Variants in USP46 observed in about 807,000 individuals in gnomAD.
USP46 encodes the protein ubiquitin carboxyl-terminal hydrolase 46.
A neutral mutation model predicts 44.4 loss-of-function variants in USP46; 12 were observed. The ratio of observed to expected loss-of-function variants is 0.27; its 90% confidence interval spans 0.17 to 0.44. USP46 has a LOEUF of 0.44. USP46 is among the 20% of genes least tolerant of loss of function. The pLI is 1.00. For missense variants in USP46, 248 were observed against 444.8 expected, an observed-to-expected ratio of 0.56 and a Z score of 3.98; for synonymous variants, 155 against 161.5, an observed-to-expected ratio of 0.96 and a Z score of 0.31.
Position 52,593,796 on chromosome 4 carries a change from A to G in USP46, c.*3844T>C, listed in dbSNP as rs976878550. ...TTGGGGAATGGATCTTTCATTTCAT[A>G]ACTGGTTAAAAGGATTTTATATGCA... On this transcript the variant is annotated 3_prime_UTR_variant, in exon 9 of 9. Transcript: ENST00000441222. 1 of 152,256 alleles carries G rather than the reference A, an allele frequency of 6.6e-6. No homozygotes were observed. Among genetic ancestry groups the G allele is most frequent in the Non-Finnish European group, 1.5e-5 (1 of 68,042 alleles). The allele number at this position is 152,256 out of a possible 1,614,324, so 9.4% of individuals were successfully genotyped here. A position where few individuals can be genotyped will look rare whatever the true frequency, so the allele number is the denominator to read the frequency against.
intron 1 of USP46, among the ~76,000 whole-genome samples, chr4:52,634,005 C>A (rs1718010493): frequency 6.6e-6 from 1 of 152,222 alleles, no homozygotes; most frequent in Admixed American, 6.5e-5. Flanking sequence ...TCAGGTTAAG[C>A]TTGCTTGGAT....
Position 52,613,627 on chromosome 4 carries a change from C to T in USP46, c.562-3010G>A, listed in dbSNP as rs2109611818. Among the ~76,000 whole-genome samples, 5 of 150,868 alleles carry T rather than the reference C, an allele frequency of 3.3e-5. No individual in the cohort carries two copies. In the Admixed American group the frequency reaches 3.3e-4, roughly 10 times the overall value. On this transcript the variant is annotated intron_variant, in intron 4 of 8. Transcript: ENST00000441222. ...ATCCCAGCTACTTGGGAGGCTGAGG[C>T]AGGGGAATCACTTGAACCCAGGAGG... is the stretch of plus-strand genomic sequence containing the variant.
intron 4 of USP46, among the ~76,000 whole-genome samples, chr4:52,613,357 T>C (rs1182916564): frequency 1.3e-5 from 2 of 151,962 alleles, no homozygotes; most frequent in Non-Finnish European, 2.9e-5. Flanking sequence ...CCAAGAAACA[T>C]AGTGAATAGT....
At chr4:52,605,534 A>G (rs1397153234) in intron 5 of USP46, among the ~76,000 whole-genome samples, 2 of 152,248 alleles carry the variant, frequency 1.3e-5, no homozygotes, top group East Asian at 3.8e-4. Flanking sequence ...AATGTGTTAA[A>G]TGATTCTACC....
In USP46 at chr4:52,592,522, A is replaced by C. The variant is rs1037539021; in HGVS notation, c.*5118T>G. ...ACCATCCCCCTAGTACTGCCTCATG[A>C]CTGAGTTCTCACGAGATCTGGTTGT... On this transcript the variant is annotated 3_prime_UTR_variant, in exon 9 of 9. Transcript: ENST00000441222. 6 of 185,628 alleles carry C rather than the reference A, an allele frequency of 3.2e-5. No individual in the cohort carries two copies. Among genetic ancestry groups the C allele is most frequent in the Admixed American group, 6.2e-5 (1 of 16,164 alleles). The allele number at this position is 185,628 out of a possible 1,614,324, so 11.5% of individuals were successfully genotyped here. A position where few individuals can be genotyped will look rare whatever the true frequency, so the allele number is the denominator to read the frequency against.
Position 52,592,965 on chromosome 4 carries a change from C to A in USP46, c.*4675G>T, listed in dbSNP as rs1421354964. 5.0e-6 allele frequency: 2 copies of A among 398,552 alleles called. No individual in the cohort carries two copies. Among genetic ancestry groups the A allele is most frequent in the Non-Finnish European group, 8.8e-6 (2 of 226,210 alleles). 24.7% of individuals were successfully genotyped at this position (398,552 alleles called of 1,614,324 possible). A position where few individuals can be genotyped will look rare whatever the true frequency, so the allele number is the denominator to read the frequency against. On this transcript the variant is annotated 3_prime_UTR_variant, in exon 9 of 9. Coordinates refer to ENST00000441222, the MANE Select transcript of USP46 (RefSeq NM_022832.4). ...ATTGTAAGTTTCCTGAGGCCTCCCC[C>A]AGAACAGAAGCCTGTACAGCCCATA...
chr4:52,643,094 C>G (rs1415194539), intron 1 of USP46, among the ~76,000 whole-genome samples: 1 of 152,246 alleles, frequency 6.6e-6, no homozygotes, highest in Non-Finnish European at 1.5e-5. Flanking sequence ...TTATTTTAAT[C>G]CAAAGAAAGC....
At chr4:52,647,001 T>C (rs1234275843) in intron 1 of USP46, among the ~76,000 whole-genome samples, 1 of 152,176 alleles carries the variant, frequency 6.6e-6, no homozygotes. Context: ...TCCACAGATA[T>C]ACTCCCACAT....
At chr4:52,628,339 T>G (rs912906905) in intron 2 of USP46, 176 bp from the exon 3 acceptor site, 1 of 585,508 alleles carries the variant, frequency 1.7e-6, no homozygotes, top group African/African-American at 1.9e-5. Flanking sequence ...AGTGACCATC[T>G]GATCCACAGA....
intron 6 of USP46, among the ~76,000 whole-genome samples, chr4:52,603,821 A>C (rs1195327190): frequency 6.6e-6 from 1 of 152,008 alleles, no homozygotes; most frequent in African/African-American, 2.4e-5. Flanking sequence ...AGTAGGTGGG[A>C]TCATAGGCAC....
At chr4:52,632,110 C>T (rs775238875) in intron 1 of USP46, among the ~76,000 whole-genome samples, 26 of 152,208 alleles carry the variant, frequency 1.7e-4, no homozygotes, top group Non-Finnish European at 3.4e-4. Context: ...CCCCATTGCA[C>T]GGACAAGGAA....
At chr4:52,604,692 A>G in intron 5 of USP46, 108 bp from the exon 6 acceptor site, 1 of 726,124 alleles carries the variant, frequency 1.4e-6, no homozygotes, top group Non-Finnish European at 2.1e-6. Context: ...TAAAAATGGA[A>G]GAAGAAGTAA....
At chr4:52,634,707 G>A (rs1718046817) in intron 1 of USP46, among the ~76,000 whole-genome samples, 1 of 152,012 alleles carries the variant, frequency 6.6e-6, no homozygotes, top group Non-Finnish European at 1.5e-5. Flanking sequence ...TTACAGGCAT[G>A]AGCCGCCACG....
Position 52,597,565 on chromosome 4 carries a change from G to A in USP46, c.*75C>T. ...CCATTAGTGGGCCACTGGGGAAGAG[G>A]AAAGCCTGCGGAGAAGCCGGGTGAC... On this transcript the variant is annotated 3_prime_UTR_variant, in exon 9 of 9. Transcript: ENST00000441222. 2 of 1,029,048 alleles carry A rather than the reference G, an allele frequency of 1.9e-6. No homozygotes were observed. The highest frequency in any genetic ancestry group is 2.9e-6 in the Non-Finnish European group (2 of 684,962). The allele number at this position is 1,029,048 out of a possible 1,614,324, so 63.7% of individuals were successfully genotyped here. A position where few individuals can be genotyped will look rare whatever the true frequency, so the allele number is the denominator to read the frequency against.
At chr4:52,621,965 A>G (rs555525877) in intron 4 of USP46, among the ~76,000 whole-genome samples, 1 of 152,396 alleles carries the variant, frequency 6.6e-6, no homozygotes, top group East Asian at 1.9e-4. Flanking sequence ...GCCAATTCTC[A>G]AAAATATTAA....
chr4:52,593,386 T>C lies in USP46; in HGVS notation c.*4254A>G, dbSNP rs180954976. The C allele has an allele frequency of 2.8e-4, 43 of 154,770 alleles. No individual in the cohort carries two copies. Among genetic ancestry groups the C allele is most frequent in the African/African-American group, 8.4e-4 (35 of 41,736 alleles). 9.6% of individuals were successfully genotyped at this position (154,770 alleles called of 1,614,324 possible). A position where few individuals can be genotyped will look rare whatever the true frequency, so the allele number is the denominator to read the frequency against. On this transcript the variant is annotated 3_prime_UTR_variant, in exon 9 of 9. Transcript: ENST00000441222. ...CTGTTCCAGCTCAGTCAGGTTCAAC[T>C]GCACTGCCCCGAGAAGATGGACAGC...
At position 52,610,632 on chromosome 4, in the gene USP46, A is replaced by C; in HGVS notation, c.562-15T>G. ...TTGCTACTAACCTGAAACAAAAAAC[A>C]GAAACAATATATTAGGCATGAAATA... On this transcript the variant is annotated splice_polypyrimidine_tract_variant and intron_variant, in intron 4 of 8. Coordinates refer to ENST00000441222, the MANE Select transcript of USP46 (RefSeq NM_022832.4). The C allele has an allele frequency of 6.2e-7, 1 of 1,612,646 alleles. No individual in the cohort carries two copies. Among genetic ancestry groups the C allele is most frequent in the Non-Finnish European group, 8.5e-7 (1 of 1,178,952 alleles).
intron 4 of USP46, among the ~76,000 whole-genome samples, chr4:52,621,004 G>A (rs1560399727): frequency 6.6e-6 from 1 of 152,012 alleles, no homozygotes; most frequent in Non-Finnish European, 1.5e-5. Context: ...CTGAGCAAAA[G>A]GCAAAACACA....
At chr4:52,640,928 T>A (rs1056796787) in intron 1 of USP46, among the ~76,000 whole-genome samples, 2 of 152,102 alleles carry the variant, frequency 1.3e-5, no homozygotes, top group African/African-American at 4.8e-5. Context: ...TTGGCCATTT[T>A]TTTTTTTTTA....
Sources: gnomAD v4.1 joint callset for allele counts (sites outside exome capture counted in the v4.1 genomes callset) on GRCh38, gnomAD v4.1.1 for gene constraint, MANE v1.5 for transcripts, NCBI Gene and HGNC (gene_info 2026-07-23, HGNC 2026-07-21) for gene names.